The following NXPH1 variants were observed in gnomAD, a reference collection of about 807,000 sequenced individuals.
NXPH1 encodes neurexophilin-1.
NXPH1 carries 5 observed loss-of-function variants against 23.7 expected under a neutral mutation model. The observed-to-expected ratio is 0.21, with a 90% CI of 0.11 to 0.44. NXPH1 has a LOEUF of 0.44. Ranked by LOEUF, NXPH1 falls within the 20% of genes least tolerant of loss-of-function variation. NXPH1 has a pLI of 0.99. For missense variants in NXPH1, 324 were observed against 321.6 expected, an observed-to-expected ratio of 1.01 and a Z score of -0.06; for synonymous variants, 144 against 122.2, an observed-to-expected ratio of 1.18 and a Z score of -1.18.
intron 2 of NXPH1, among the ~76,000 whole-genome samples, chr7:8,605,786 G>T (rs1475649673): frequency 6.6e-6 from 1 of 152,022 alleles, no homozygotes; most frequent in Non-Finnish European, 1.5e-5. Context: ...GGAAGAAAAA[G>T]CATCAAAAGG....
At chr7:8,698,589 A>C (rs1160464456) in intron 2 of NXPH1, among the ~76,000 whole-genome samples, 1 of 150,466 alleles carries the variant, frequency 6.6e-6, no homozygotes, top group Non-Finnish European at 1.5e-5. Context: ...ATTGAAAGAC[A>C]TCTTATGGGG....
chr7:8,751,831 C>T lies in NXPH1; in HGVS notation c.*62C>T. On this transcript the variant is annotated 3_prime_UTR_variant, in exon 3 of 3. Transcript: ENST00000405863. The surrounding 1 kb of genome is among the most constrained non-coding windows in gnomAD (Gnocchi z 4.5). ...TAAAGGTCATATGACAGGGCTGTTA[C>T]CTCAAAGAAGAAGGTCACATCTGTT... 1.4e-6 allele frequency: 2 copies of T among 1,461,574 alleles called. No homozygotes were observed. Among genetic ancestry groups the T allele is most frequent in the South Asian group, 1.4e-5 (1 of 73,712 alleles). The allele number at this position is 1,461,574 out of a possible 1,614,324, so 90.5% of individuals were successfully genotyped here.
intron 2 of NXPH1, among the ~76,000 whole-genome samples, chr7:8,496,592 G>T (rs749041187): frequency 6.6e-5 from 10 of 151,972 alleles, no homozygotes; most frequent in Non-Finnish European, 1.5e-5. Flanking sequence ...TTTTCAAAGG[G>T]TGGTCCCCAG....
chr7:8,724,321 C>T (rs1345862000), intron 2 of NXPH1, among the ~76,000 whole-genome samples: 1 of 152,194 alleles, frequency 6.6e-6, no homozygotes, highest in Admixed American at 6.5e-5. Context: ...TGGAATGTTA[C>T]CCGGCTCTTT....
chr7:8,591,477 C>A (rs1188149657), intron 2 of NXPH1, among the ~76,000 whole-genome samples: 1 of 151,972 alleles, frequency 6.6e-6, no homozygotes, highest in Non-Finnish European at 1.5e-5. Flanking sequence ...GCTGGAAATA[C>A]CCTACTCCTA....
chr7:8,461,686 C>T (rs1199243318), intron 2 of NXPH1, among the ~76,000 whole-genome samples: 2 of 150,300 alleles, frequency 1.3e-5, no homozygotes, highest in East Asian at 2.0e-4. Context: ...AAAAATTAGC[C>T]GGGCGCGGTG....
chr7:8,466,310 C>A lies in NXPH1; in HGVS notation c.54+30543C>A, dbSNP rs1816785578. On this transcript the variant is annotated intron_variant, in intron 2 of 2. Transcript: ENST00000405863. The stretch of plus-strand genomic sequence containing the variant: ...ATTAAATACAACGCTAGTCTGTATA[C>A]AAGATGGACACTAGCTAATCAGTGA... Among the ~76,000 whole-genome samples, 2 of 152,144 alleles carry A rather than the reference C, an allele frequency of 1.3e-5. 1 individual carries two copies. The highest frequency in any genetic ancestry group is 4.8e-5 in the African/African-American group (2 of 41,444).
chr7:8,623,161 A>G (rs1171242321), intron 2 of NXPH1, among the ~76,000 whole-genome samples: 1 of 152,160 alleles, frequency 6.6e-6, no homozygotes, highest in African/African-American at 2.4e-5. Flanking sequence ...AAGAGGCCTG[A>G]ATTTAATGAT....
At chr7:8,526,102 A>G (rs1391879672) in intron 2 of NXPH1, among the ~76,000 whole-genome samples, 1 of 152,240 alleles carries the variant, frequency 6.6e-6, no homozygotes, top group Non-Finnish European at 1.5e-5. Context: ...CTGCAAAGCC[A>G]TGGGGGCAGA....
chr7:8,628,198 C>T (rs940248048), intron 2 of NXPH1, among the ~76,000 whole-genome samples: 1 of 151,936 alleles, frequency 6.6e-6, no homozygotes, highest in Non-Finnish European at 1.5e-5. Flanking sequence ...ATACTATTTC[C>T]TCAAAAGATT....
intron 2 of NXPH1, among the ~76,000 whole-genome samples, chr7:8,534,615 A>T (rs1458151159): frequency 1.3e-5 from 2 of 152,266 alleles, no homozygotes; most frequent in African/African-American, 2.4e-5. Context: ...GGAGAAGAAA[A>T]GCCTTTTATT....
At chr7:8,595,394 A>T (rs1202246361) in intron 2 of NXPH1, among the ~76,000 whole-genome samples, 1 of 152,040 alleles carries the variant, frequency 6.6e-6, no homozygotes, top group African/African-American at 2.4e-5. Flanking sequence ...GAAAAAATGA[A>T]CTTAAAGCCA....
At chr7:8,701,963 A>T (rs1161001765) in intron 2 of NXPH1, among the ~76,000 whole-genome samples, 1 of 151,956 alleles carries the variant, frequency 6.6e-6, no homozygotes, top group Non-Finnish European at 1.5e-5. Flanking sequence ...CTAACTTGCA[A>T]ATTTATTGAA....
intron 2 of NXPH1, among the ~76,000 whole-genome samples, chr7:8,466,749 G>A (rs1352691783): frequency 1.3e-5 from 2 of 152,154 alleles, no homozygotes; most frequent in African/African-American, 4.8e-5. Context: ...GGGAAGTCAA[G>A]TTCTAGTCTT....
chr7:8,691,718 C>G (rs948675220), intron 2 of NXPH1, among the ~76,000 whole-genome samples: 1 of 152,090 alleles, frequency 6.6e-6, no homozygotes, highest in African/African-American at 2.4e-5. Flanking sequence ...CTGTTATCAC[C>G]AGATGTTCCA....
chr7:8,671,208 G>C (rs962177309), intron 2 of NXPH1, among the ~76,000 whole-genome samples: 1 of 152,106 alleles, frequency 6.6e-6, no homozygotes, highest in African/African-American at 2.4e-5. Context: ...TTATTTCTAT[G>C]TGAAAGAGAA....
At chr7:8,725,401 G>A (rs985159454) in intron 2 of NXPH1, among the ~76,000 whole-genome samples, 14 of 151,372 alleles carry the variant, frequency 9.2e-5, no homozygotes, top group Non-Finnish European at 2.1e-4. Flanking sequence ...GAGGCATGAG[G>A]ATGGCTAGAA....
chr7:8,498,662 T>C (rs2128612204), intron 2 of NXPH1, among the ~76,000 whole-genome samples: 1 of 152,224 alleles, frequency 6.6e-6, no homozygotes, highest in African/African-American at 2.4e-5. Flanking sequence ...GCATGATGGG[T>C]TTATAGATAC....
intron 2 of NXPH1, among the ~76,000 whole-genome samples, chr7:8,666,439 A>G (rs2115166078): frequency 6.6e-6 from 1 of 152,048 alleles, no homozygotes; most frequent in East Asian, 1.9e-4. Flanking sequence ...CTTTGCTAGT[A>G]TTTTGTTGAG....
Sources: gnomAD v4.1 joint callset for allele counts (sites outside exome capture counted in the v4.1 genomes callset) on GRCh38, gnomAD v4.1.1 for gene constraint, Gnocchi (gnomAD v3.1) non-coding constraint, MANE v1.5 for transcripts, NCBI Gene and HGNC (gene_info 2026-07-23, HGNC 2026-07-21) for gene names.